ZNF451: variants seen among roughly 807,000 people sequenced by gnomAD.
ZNF451 encodes the protein E3 SUMO-protein ligase ZNF451.
A neutral mutation model predicts 107.1 loss-of-function variants in ZNF451; 80 were observed. The observed-to-expected ratio is 0.75, with a 90% confidence interval of 0.62 to 0.90. ZNF451 has a LOEUF of 0.90. Ranked by LOEUF, ZNF451 falls within the 40% of genes least tolerant of loss-of-function variation. The probability of loss-of-function intolerance (pLI) is 0.00; values close to 1 mark genes in which losing one functional copy is unlikely to be tolerated. For missense variants in ZNF451, 1,107 were observed against 1,236.2 expected, an observed-to-expected ratio of 0.90 and a Z score of 1.57; for synonymous variants, 362 against 406.5, an observed-to-expected ratio of 0.89 and a Z score of 1.32.
chr6:57,132,089 C>T (rs1250167024), intron 5 of ZNF451, among the ~76,000 whole-genome samples: 1 of 151,920 alleles, frequency 6.6e-6, no homozygotes, highest in Non-Finnish European at 1.5e-5. Flanking sequence ...CAAACTGTTT[C>T]CTAATTGGCT....
rs1764004937 is a variant in ZNF451 at position 57,168,567 on chromosome 6, C to A, written c.*98C>A. On this transcript the variant is annotated 3_prime_UTR_variant, in exon 15 of 15. Transcript: ENST00000370706. ...AAAGGAGACCAGAAATCCACTATTA[C>A]AAATGTATTTGAAAACATGTTTTTG... is the stretch of plus-strand genomic sequence containing the variant. The A allele has an allele frequency of 1.1e-6, 1 of 937,286 alleles. No individual in the cohort carries two copies. Among genetic ancestry groups the A allele is most frequent in the African/African-American group, 1.7e-5 (1 of 59,766 alleles). The allele number at this position is 937,286 out of a possible 1,614,324, so 58.1% of individuals were successfully genotyped here.
intron 3 of ZNF451, among the ~76,000 whole-genome samples, chr6:57,122,824 A>G (rs760686501): frequency 4.6e-5 from 7 of 152,250 alleles, no homozygotes; most frequent in Non-Finnish European, 8.8e-5. Flanking sequence ...GAGATTTCTC[A>G]AAAAACTAAA....
At chr6:57,096,450 T>A (rs937476084) in intron 2 of ZNF451, among the ~76,000 whole-genome samples, 3 of 151,836 alleles carry the variant, frequency 2.0e-5, no homozygotes, top group African/African-American at 7.3e-5. Flanking sequence ...TCTCCCAAAG[T>A]GCTGGGATTA....
Position 57,147,355 on chromosome 6 carries a change from T to C in ZNF451, c.1270T>C (p.Phe424Leu), listed in dbSNP as rs550734306. Reference sequence around the variant, plus strand: ...GCATTTATTGTTGGATCAATCAAAATTTTCATCACTTAAAAGAACCATGTC... The same window carrying C: ...GCATTTATTGTTGGATCAATCAAAACTTTCATCACTTAAAAGAACCATGTC... ...DLHLLLDQSK[F>L]SSLKRTMSIK... Residue 424 changes from phenylalanine to leucine, a missense_variant, in exon 10 of 15, where the codon TTT becomes CTT. Around this residue, in one of 5 missense-constraint regions of ZNF451, gnomAD observed 608 missense variants for 649.2 expected, o/e 0.94. Coordinates refer to ENST00000370706, the MANE Select transcript of ZNF451 (RefSeq NM_001031623.3). 5 of 1,614,098 alleles carry C rather than the reference T, an allele frequency of 3.1e-6. No individual in the cohort carries two copies. The South Asian group carries it at 5.5e-5, about 18-fold the overall frequency.
At chr6:57,100,466 G>A in intron 3 of ZNF451, 1 of 1,062,646 alleles carries the variant, frequency 9.4e-7, no homozygotes, top group Non-Finnish European at 1.3e-6. Flanking sequence ...TGAGTGGATT[G>A]TATCTTTCAC....
At chr6:57,101,006 G>A (rs751238413) in intron 3 of ZNF451, 79 of 1,550,622 alleles carry the variant, frequency 5.1e-5, no homozygotes, top group Non-Finnish European at 6.6e-5. Context: ...CGAGTGATAC[G>A]TGATCTGCAG....
intron 3 of ZNF451, among the ~76,000 whole-genome samples, chr6:57,113,619 A>AG (rs1403213534): frequency 4.6e-5 from 7 of 150,982 alleles, no homozygotes; most frequent in South Asian, 2.1e-4. Flanking sequence ...GAGAAAAAAA[A>AG]ATTTTTTTTT....
Position 57,098,967 on chromosome 6 carries a change from T to G in ZNF451, c.106-94T>G, listed in dbSNP as rs1562587487. 3 of 873,994 alleles carry G rather than the reference T, an allele frequency of 3.4e-6. No homozygotes were observed. The East Asian group carries it at 7.7e-5, about 22-fold the overall frequency. 54.1% of individuals were successfully genotyped at this position (873,994 alleles called of 1,614,324 possible). On this transcript the variant is annotated intron_variant, in intron 2 of 14. Coordinates refer to ENST00000370706, the MANE Select transcript of ZNF451 (RefSeq NM_001031623.3). Reference sequence around the variant, plus strand: ...AAAGCTCCCTCTTCAGAGTAATTCTTGCCAGTCCCAACCAAAAAAAACACT... The same window carrying G: ...AAAGCTCCCTCTTCAGAGTAATTCTGGCCAGTCCCAACCAAAAAAAACACT...
In ZNF451 at chr6:57,148,705, T is replaced by C. The variant is rs1306939250; in HGVS notation, c.2608+12T>C. 1 of 1,569,790 alleles carries C rather than the reference T, an allele frequency of 6.4e-7. No homozygotes were observed. Among genetic ancestry groups the C allele is most frequent in the Non-Finnish European group, 8.6e-7 (1 of 1,161,276 alleles). ...CTATCAGAATATAGGTATGGCTTTATAGCTCTATGCAAATTTCATATACTG... is the reference window on the plus strand; with the variant it reads ...CTATCAGAATATAGGTATGGCTTTACAGCTCTATGCAAATTTCATATACTG... On this transcript the variant is annotated intron_variant, in intron 10 of 14. Transcript: ENST00000370706.
intron 3 of ZNF451, among the ~76,000 whole-genome samples, chr6:57,119,794 T>C (rs1323455878): frequency 6.6e-6 from 1 of 152,174 alleles, no homozygotes; most frequent in Non-Finnish European, 1.5e-5. Flanking sequence ...ATACTTTCTA[T>C]TTCTTTCTAT....
chr6:57,156,009 TACTTA>T (rs141247626), intron 13 of ZNF451, among the ~76,000 whole-genome samples: 354 of 152,258 alleles, frequency 2.3e-3, no homozygotes, highest in African/African-American at 8.2e-3. Context: ...TCAGGCATGT[TACTTA>T]ACTTTTTTGG....
chr6:57,105,301 T>G, intron 3 of ZNF451: 1 of 983,398 alleles, frequency 1.0e-6, no homozygotes, highest in Non-Finnish European at 1.2e-6. Context: ...TATTTCTTGA[T>G]TAGATATACA....
At position 57,169,537 on chromosome 6, in the gene ZNF451, T is replaced by C. The variant is rs1233332950; in HGVS notation, c.*1068T>C. 1 of 152,142 alleles carries C rather than the reference T, an allele frequency of 6.6e-6. No homozygotes were observed. The highest frequency in any genetic ancestry group is 1.5e-5 in the Non-Finnish European group (1 of 67,992). The allele number at this position is 152,142 out of a possible 1,614,324, so 9.4% of individuals were successfully genotyped here. A position where few individuals can be genotyped will look rare whatever the true frequency, so the allele number is the denominator to read the frequency against. The stretch of plus-strand genomic sequence containing the variant: ...TCTTATCTCTAAAAATTTTTAGTAG[T>C]AATTATTTACCAAACTTAAAAACAT... On this transcript the variant is annotated 3_prime_UTR_variant, in exon 15 of 15. Transcript: ENST00000370706.
chr6:57,148,710 C>G lies in ZNF451; in HGVS notation c.2608+17C>G, dbSNP rs1213037761. The G allele has an allele frequency of 3.2e-6, 5 of 1,556,608 alleles. No individual in the cohort carries two copies. In the Admixed American group the frequency reaches 7.9e-5, roughly 24 times the overall value. The stretch of plus-strand genomic sequence containing the variant: ...AGAATATAGGTATGGCTTTATAGCT[C>G]TATGCAAATTTCATATACTGATATT... On this transcript the variant is annotated intron_variant, in intron 10 of 14. Coordinates refer to ENST00000370706, the MANE Select transcript of ZNF451 (RefSeq NM_001031623.3).
intron 3 of ZNF451, chr6:57,109,660 G>A (rs1013625931): frequency 2.0e-6 from 2 of 984,782 alleles, no homozygotes; most frequent in African/African-American, 1.8e-5. Context: ...ATTTTTTAAG[G>A]CTGTCTTACA....
chr6:57,155,749 G>A (rs1426784284), intron 13 of ZNF451, among the ~76,000 whole-genome samples: 1 of 151,888 alleles, frequency 6.6e-6, no homozygotes, highest in Non-Finnish European at 1.5e-5. Context: ...ATTACAGTTG[G>A]AGGTAAGATA....
rs970250031 is a variant in ZNF451, at chr6:57,103,480, A to G, written c.186+4339A>G. ...TACTGGAACTGGCAGCAGATACCTC[A>G]ATTATATGTCCCACAGTATCTTCTC... On this transcript the variant is annotated intron_variant, in intron 3 of 14. Coordinates refer to ENST00000370706, the MANE Select transcript of ZNF451 (RefSeq NM_001031623.3). The G allele has an allele frequency of 1.7e-5, 17 of 985,256 alleles. No individual in the cohort carries two copies. The South Asian group carries it at 7.5e-4, about 44-fold the overall frequency. The allele number at this position is 985,256 out of a possible 1,614,324, so 61.0% of individuals were successfully genotyped here.
chr6:57,148,317 C>T lies in ZNF451; in HGVS notation c.2232C>T (p.Ile744=), dbSNP rs1450090709. The T allele has an allele frequency of 6.2e-7, 1 of 1,614,028 alleles. No homozygotes were observed. Among genetic ancestry groups the T allele is most frequent in the Non-Finnish European group, 8.5e-7 (1 of 1,179,964 alleles). The change falls in exon 10 of 15, where the codon ATC becomes ATT. Residue 744 remains isoleucine, a synonymous_variant. Coordinates refer to ENST00000370706, the MANE Select transcript of ZNF451 (RefSeq NM_001031623.3). ...RKEDYSRCLQ[I]MLDKGKLWFR... is the part of the protein sequence containing the mutation. ...AAGATTATAGCAGATGTCTCCAAAT[C>T]ATGCTGGATAAAGGAAAACTGTGGT...
rs756697393 is a variant in ZNF451 at position 57,142,144 on chromosome 6, G to A, written c.1004+49G>A. ...AAGGAATACGGATGAGTGTTTGCCAGTGAGAAGATTCAACAAATACATTTT... is the reference window on the plus strand; with the variant it reads ...AAGGAATACGGATGAGTGTTTGCCAATGAGAAGATTCAACAAATACATTTT... On this transcript the variant is annotated intron_variant, in intron 9 of 14. Coordinates refer to ENST00000370706, the MANE Select transcript of ZNF451 (RefSeq NM_001031623.3). 7 of 1,507,886 alleles carry A rather than the reference G, an allele frequency of 4.6e-6. No homozygotes were observed. The Admixed American group carries it at 5.8e-5, about 12-fold the overall frequency. The allele number at this position is 1,507,886 out of a possible 1,614,324, so 93.4% of individuals were successfully genotyped here.
Sources: gnomAD v4.1 joint callset for allele counts (sites outside exome capture counted in the v4.1 genomes callset) on GRCh38, gnomAD v4.1.1 for gene constraint, gnomAD v4.1.1 regional missense constraint, MANE v1.5 for transcripts, NCBI Gene and HGNC (gene_info 2026-07-23, HGNC 2026-07-21) for gene names.